VPS13B: variants seen among roughly 807,000 people sequenced by gnomAD.
The protein encoded by VPS13B is intermembrane lipid transfer protein VPS13B.
In VPS13B, 285 loss-of-function variants were observed where a neutral mutation model predicts 426.4. That is an observed-to-expected ratio of 0.67 (90% CI 0.61 to 0.74). The LOEUF is 0.74. VPS13B is among the 30% of genes least tolerant of loss of function. The pLI, the probability that VPS13B is intolerant of heterozygous loss-of-function variation, is 0.00. For synonymous variants in VPS13B, 1,676 were observed against 1,676.4 expected (o/e 1.00, Z 0.01); for missense variants, 4,537 against 4,782.6 (o/e 0.95, Z 1.51).
In VPS13B at chr8:99,038,843, C is replaced by T. The variant is rs190751801; in HGVS notation, c.291+277C>T. ...CTGGGACTACAGGTGTGCGCCACCA[C>T]GCCCAGCTAATTTTTATATTTTTAG... is the stretch of plus-strand genomic sequence containing the variant. On this transcript the variant is annotated intron_variant, in intron 3 of 61. Coordinates refer to ENST00000357162, the MANE Select transcript of VPS13B (RefSeq NM_152564.5). Among the ~76,000 whole-genome samples, 959 of 151,720 alleles carry T rather than the reference C, an allele frequency of 6.3e-3. 8 individuals carry two copies. Among genetic ancestry groups the T allele is most frequent in the African/African-American group, 0.022 (899 of 41,400 alleles).
rs558811528 is a variant in VPS13B, at chr8:99,444,589, G to A, written c.3445+1954G>A. ...TGGAATCTCATTGTGGTTTTGGTTT[G>A]CATTTCCCTAATGACTAATAATGTT... On this transcript the variant is annotated intron_variant, in intron 23 of 61. Transcript: ENST00000357162. Among the ~76,000 whole-genome samples the A allele has an allele frequency of 8.5e-5, 13 of 152,180 alleles. 2 individuals are homozygous for A. Among genetic ancestry groups the A allele is most frequent in the South Asian group, 4.1e-4 (2 of 4,824 alleles).
rs538508086 is a variant in VPS13B at position 99,296,726 on chromosome 8, G to A, written c.2824+21472G>A. ...GGGTTGGCCCTTGTGAATGGAATTA[G>A]TGACCTTATAAAAGAGGTTGAAGGA... On this transcript the variant is annotated intron_variant, in intron 19 of 61. Transcript: ENST00000357162. Among the ~76,000 whole-genome samples, 9 of 152,214 alleles carry A rather than the reference G, an allele frequency of 5.9e-5. No individual in the cohort carries two copies. In the South Asian group the frequency reaches 1.9e-3, roughly 32 times the overall value.
intron 19 of VPS13B, among the ~76,000 whole-genome samples, chr8:99,305,620 G>A (rs542919604): frequency 6.6e-6 from 1 of 152,112 alleles, no homozygotes; most frequent in African/African-American, 2.4e-5. Context: ...TTCAAATACA[G>A]GGCCTATTTA....
chr8:99,824,641 GA>G (rs1814569872), intron 51 of VPS13B, among the ~76,000 whole-genome samples: 2 of 149,012 alleles, frequency 1.3e-5, no homozygotes, highest in Non-Finnish European at 3.0e-5. Context: ...TACATGTGTA[GA>G]ACATACAGGT....
intron 33 of VPS13B, among the ~76,000 whole-genome samples, chr8:99,606,726 T>A (rs1827611803): frequency 6.6e-6 from 1 of 150,826 alleles, no homozygotes; most frequent in Non-Finnish European, 1.5e-5. Flanking sequence ...CCTCCCAGAT[T>A]CAAGCGATTC....
chr8:99,253,405 T>G (rs1466140018), intron 17 of VPS13B, among the ~76,000 whole-genome samples: 1 of 152,152 alleles, frequency 6.6e-6, no homozygotes, highest in African/African-American at 2.4e-5. Flanking sequence ...ACTGCCAAAT[T>G]GTTTTCCATA....
intron 4 of VPS13B, among the ~76,000 whole-genome samples, chr8:99,100,771 G>A (rs749161740): frequency 6.6e-6 from 1 of 152,090 alleles, no homozygotes; most frequent in African/African-American, 2.4e-5. Context: ...GGCCAGGCAT[G>A]GTGGCTCATG....
intron 2 of VPS13B, among the ~76,000 whole-genome samples, chr8:99,037,795 A>G (rs1166673221): frequency 6.6e-6 from 1 of 152,034 alleles, no homozygotes; most frequent in South Asian, 2.1e-4. Context: ...ATTTATGACC[A>G]AGTAGTATCC....
chr8:99,232,350 C>A (rs1194207798), intron 17 of VPS13B, among the ~76,000 whole-genome samples: 1 of 152,008 alleles, frequency 6.6e-6, no homozygotes, highest in South Asian at 2.1e-4. Context: ...GAGATGGTAT[C>A]CCTCCTGTTG....
intron 43 of VPS13B, among the ~76,000 whole-genome samples, chr8:99,803,374 C>T (rs1482624263): frequency 2.0e-5 from 3 of 152,184 alleles, no homozygotes; most frequent in Non-Finnish European, 4.4e-5. Context: ...GAATAGCCAA[C>T]ACTTATATCA....
At chr8:99,793,212 T>TTATA (rs373730179) in intron 43 of VPS13B, among the ~76,000 whole-genome samples, 3 of 125,700 alleles carry the variant, frequency 2.4e-5, no homozygotes, top group South Asian at 5.1e-4. Flanking sequence ...GCCAAAAAAT[T>TTATA]TATATATATA....
At chr8:99,786,944 T>C (rs1274990039) in intron 43 of VPS13B, among the ~76,000 whole-genome samples, 1 of 152,158 alleles carries the variant, frequency 6.6e-6, no homozygotes. Context: ...TCAGAAAAAC[T>C]AGCCACTCAG....
intron 34 of VPS13B, among the ~76,000 whole-genome samples, chr8:99,649,625 T>TACACACACAC (rs57697283): frequency 6.8e-6 from 1 of 146,326 alleles, no homozygotes. Context: ...CCCCTCTACA[T>TACACACACAC]ACACACACAC....
chr8:99,228,124 T>A (rs1168348245), intron 17 of VPS13B, among the ~76,000 whole-genome samples: 1 of 152,308 alleles, frequency 6.6e-6, no homozygotes, highest in East Asian at 1.9e-4. Flanking sequence ...TTTAACATAC[T>A]GAATTTAAAA....
chr8:99,534,865 A>C (rs1823117499), intron 30 of VPS13B, among the ~76,000 whole-genome samples: 1 of 152,204 alleles, frequency 6.6e-6, no homozygotes, highest in Admixed American at 6.5e-5. Context: ...ATAGCTATTC[A>C]TATAGTGTAA....
At chr8:99,432,456 T>C (rs1364396549) in intron 22 of VPS13B, among the ~76,000 whole-genome samples, 1 of 152,120 alleles carries the variant, frequency 6.6e-6, no homozygotes, top group African/African-American at 2.4e-5. Flanking sequence ...TCTGAGGTCT[T>C]AAATTGACAT....
At chr8:99,142,480 T>C (rs1810482327) in intron 12 of VPS13B, among the ~76,000 whole-genome samples, 3 of 152,130 alleles carry the variant, frequency 2.0e-5, no homozygotes, top group Admixed American at 2.0e-4. Context: ...AATGAATCTA[T>C]TCTAGAAAAA....
rs1004473861 is a variant in VPS13B at position 99,207,397 on chromosome 8, A to C, written c.2515+14340A>C. 1.3e-5 allele frequency among the ~76,000 whole-genome samples: 2 copies of C among 152,256 alleles called. 1 individual carries two copies. The highest frequency in any genetic ancestry group is 6.8e-3 in the Middle Eastern group (2 of 294). ...ATGCCTGACTTAATTTTGTTCCTCT[A>C]TTCTGTCTCAGACATTTTGATAATG... is the stretch of plus-strand genomic sequence containing the variant. On this transcript the variant is annotated intron_variant, in intron 17 of 61. Coordinates refer to ENST00000357162, the MANE Select transcript of VPS13B (RefSeq NM_152564.5).
chr8:99,434,281 A>G (rs922649826), intron 22 of VPS13B, among the ~76,000 whole-genome samples: 1 of 152,168 alleles, frequency 6.6e-6, no homozygotes, highest in African/African-American at 2.4e-5. Flanking sequence ...ATGTGAGGAA[A>G]TTGTCTCTGT....
Sources: allele counts gnomAD v4.1 joint callset (sites outside exome capture counted in the v4.1 genomes callset), GRCh38; gene constraint gnomAD v4.1.1; transcripts MANE v1.5; gene names NCBI Gene and HGNC (gene_info 2026-07-23, HGNC 2026-07-21).